The following RANBP17 variants were observed in gnomAD, a reference collection of about 807,000 sequenced individuals.
The protein encoded by RANBP17 is RAN binding protein 17.
In RANBP17, 158 loss-of-function variants were observed where a neutral mutation model predicts 141.2. That is an observed-to-expected ratio of 1.12 (90% CI 0.98 to 1.28). The LOEUF is 1.28. Ranked by LOEUF, RANBP17 falls within the 50% of genes most tolerant of loss-of-function variation. RANBP17 has a pLI of 0.00. For synonymous variants in RANBP17, 430 were observed against 450.0 expected (o/e 0.96, Z 0.56); for missense variants, 1,438 against 1,290.7 (o/e 1.11, Z -1.75).
rs1780970425 is a variant in RANBP17 at position 171,022,850 on chromosome 5, C to T, written c.1710+54473C>T. On this transcript the variant is annotated intron_variant, in intron 14 of 27. Coordinates refer to ENST00000523189, the MANE Select transcript of RANBP17 (RefSeq NM_022897.5). ...GAGCTTGGTAGGCTTAAGCAGATTC[C>T]AGCTGAGAGGCGGTTGACAATCTGT... 2.6e-5 allele frequency among the ~76,000 whole-genome samples: 4 copies of T among 152,188 alleles called. No individual in the cohort carries two copies. In the South Asian group the frequency reaches 6.2e-4, roughly 24 times the overall value.
chr5:171,211,269 C>T (rs1762862976), intron 20 of RANBP17, among the ~76,000 whole-genome samples: 1 of 148,982 alleles, frequency 6.7e-6, no homozygotes, highest in African/African-American at 2.5e-5. Flanking sequence ...CTTTGTAGTA[C>T]TTTTTTTTTT....
chr5:170,958,568 C>CA (rs1247665577), intron 13 of RANBP17, among the ~76,000 whole-genome samples: 14 of 151,798 alleles, frequency 9.2e-5, no homozygotes, highest in South Asian at 4.2e-4. Flanking sequence ...CGTAAAATTA[C>CA]AAAAAAAATC....
intron 14 of RANBP17, among the ~76,000 whole-genome samples, chr5:171,144,151 G>A (rs561626245): frequency 9.9e-5 from 15 of 152,112 alleles, no homozygotes; most frequent in African/African-American, 2.7e-4. Flanking sequence ...TCACTTGAGC[G>A]CAGGTGTTTG....
At chr5:171,181,453 GA>G (rs200716648) in intron 16 of RANBP17, among the ~76,000 whole-genome samples, 9,425 of 136,612 alleles carry the variant, frequency 0.069, 373 homozygotes, top group East Asian at 0.12. Flanking sequence ...GTCTGTCTCA[GA>G]AAAAAAAAAA....
Position 170,878,200 on chromosome 5 carries a change from C to A in RANBP17, c.122C>A (p.Pro41Gln). The change falls in exon 2 of 28, where the codon CCA becomes CAA. Residue 41 changes from proline to glutamine, a missense_variant. Coordinates refer to ENST00000523189, the MANE Select transcript of RANBP17 (RefSeq NM_022897.5). ...GCACTCTTGGAACTTATTGACAGTC[C>A]AGAATGTCTCAGCAAGTGTCAACTT... is the stretch of plus-strand genomic sequence containing the variant. ...EKALLELIDS[P>Q]ECLSKCQLLL... 1.2e-6 allele frequency: 2 copies of A among 1,611,716 alleles called. No homozygotes were observed. The highest frequency in any genetic ancestry group is 2.2e-5 in the South Asian group (2 of 90,356).
intron 14 of RANBP17, among the ~76,000 whole-genome samples, chr5:170,999,557 A>C (rs139768245): frequency 2.3e-3 from 352 of 152,322 alleles, no homozygotes; most frequent in Non-Finnish European, 4.0e-3. Context: ...ATCTTTTTGT[A>C]AACTTAAAAA....
chr5:170,875,836 G>C (rs924714856), intron 1 of RANBP17, among the ~76,000 whole-genome samples: 1 of 152,108 alleles, frequency 6.6e-6, no homozygotes, highest in Non-Finnish European at 1.5e-5. Flanking sequence ...CTGGCCTTTT[G>C]GGTTTTCAGC....
intron 14 of RANBP17, among the ~76,000 whole-genome samples, chr5:171,080,957 AAC>A (rs1417060573): frequency 6.6e-6 from 1 of 151,966 alleles, no homozygotes; most frequent in Non-Finnish European, 1.5e-5. Context: ...ACTAAATAAT[AAC>A]AGTTTTTATA....
At chr5:171,050,698 A>T (rs1459880283) in intron 14 of RANBP17, among the ~76,000 whole-genome samples, 1 of 152,094 alleles carries the variant, frequency 6.6e-6, no homozygotes, top group African/African-American at 2.4e-5. Flanking sequence ...TAAAAAAAAA[A>T]TGTAAGAAGA....
intron 14 of RANBP17, among the ~76,000 whole-genome samples, chr5:171,078,082 A>G (rs1428758557): frequency 6.6e-6 from 1 of 151,780 alleles, no homozygotes; most frequent in Non-Finnish European, 1.5e-5. Flanking sequence ...GCTAGCTAAG[A>G]TGATTGGTGA....
At chr5:171,038,656 T>C (rs900144056) in intron 14 of RANBP17, among the ~76,000 whole-genome samples, 1 of 152,124 alleles carries the variant, frequency 6.6e-6, no homozygotes, top group Non-Finnish European at 1.5e-5. Context: ...TTTATCATAA[T>C]GGTAAGTTGG....
intron 14 of RANBP17, among the ~76,000 whole-genome samples, chr5:171,046,546 T>G (rs1434411172): frequency 6.6e-6 from 1 of 152,170 alleles, no homozygotes; most frequent in Non-Finnish European, 1.5e-5. Flanking sequence ...ATTTTATGAA[T>G]GTACCATACT....
At chr5:171,051,289 C>T (rs1782934400) in intron 14 of RANBP17, among the ~76,000 whole-genome samples, 1 of 152,044 alleles carries the variant, frequency 6.6e-6, no homozygotes, top group Non-Finnish European at 1.5e-5. Flanking sequence ...TTTGAATATA[C>T]ACATTCAGTG....
intron 14 of RANBP17, among the ~76,000 whole-genome samples, chr5:171,153,950 C>A (rs1349261196): frequency 6.6e-6 from 1 of 151,832 alleles, no homozygotes; most frequent in Non-Finnish European, 1.5e-5. Flanking sequence ...TCTCTTGAAC[C>A]AAGGAGGCGG....
intron 14 of RANBP17, among the ~76,000 whole-genome samples, chr5:170,972,847 A>T (rs1045956532): frequency 1.3e-5 from 2 of 152,088 alleles, no homozygotes; most frequent in African/African-American, 4.8e-5. Flanking sequence ...TATTGTCATT[A>T]TATGTGCTTT....
intron 14 of RANBP17, among the ~76,000 whole-genome samples, chr5:171,125,151 G>C (rs1407134405): frequency 6.6e-6 from 1 of 152,060 alleles, no homozygotes; most frequent in African/African-American, 2.4e-5. Context: ...ACAAAAATTA[G>C]CCAGGCGTGG....
chr5:170,990,173 A>G (rs552553711), intron 14 of RANBP17, among the ~76,000 whole-genome samples: 2 of 151,970 alleles, frequency 1.3e-5, no homozygotes, highest in African/African-American at 4.8e-5. Context: ...TATGGTATCA[A>G]TAATTATTCT....
intron 1 of RANBP17, among the ~76,000 whole-genome samples, chr5:170,874,817 GC>G (rs1768049275): frequency 6.6e-6 from 1 of 152,100 alleles, no homozygotes; most frequent in Non-Finnish European, 1.5e-5. Context: ...GGGGCATTTA[GC>G]CCATTTACAT....
chr5:170,910,090 G>T, intron 6 of RANBP17: 1 of 173,646 alleles, frequency 5.8e-6, no homozygotes, highest in Non-Finnish European at 1.2e-5. Context: ...TATTTTGATA[G>T]GATGCAGATG....
Sources: allele counts gnomAD v4.1 joint callset (sites outside exome capture counted in the v4.1 genomes callset), GRCh38; gene constraint gnomAD v4.1.1; transcripts MANE v1.5; gene names NCBI Gene and HGNC (gene_info 2026-07-23, HGNC 2026-07-21).